Variants in KIF16B observed in about 807,000 individuals in gnomAD.
KIF16B encodes kinesin family member 16B, also known as kinesin-like protein KIF16B.
A neutral mutation model predicts 156.3 loss-of-function variants in KIF16B; 98 were observed. The observed-to-expected ratio is 0.63, with a 90% CI of 0.53 to 0.74. KIF16B has a LOEUF of 0.74. Ranked by LOEUF, KIF16B falls within the 30% of genes least tolerant of loss-of-function variation. KIF16B has a pLI of 0.00. For synonymous variants in KIF16B, 564 were observed against 583.7 expected (o/e 0.97, Z 0.49); for missense variants, 1,421 against 1,606.5 (o/e 0.88, Z 1.97).
At chr20:16,527,369 C>T (rs140361123) in intron 2 of KIF16B, among the ~76,000 whole-genome samples, 1 of 152,144 alleles carries the variant, frequency 6.6e-6, no homozygotes, top group African/African-American at 2.4e-5. Flanking sequence ...GAGATCAACT[C>T]GCACTACTTT....
At chr20:16,510,298 T>C (rs892657055) in intron 6 of KIF16B, among the ~76,000 whole-genome samples, 2 of 152,212 alleles carry the variant, frequency 1.3e-5, no homozygotes, top group African/African-American at 4.8e-5. Context: ...AACAACTACA[T>C]ACTGGCACAC....
At chr20:16,392,227 T>C (rs752419440) in intron 17 of KIF16B, among the ~76,000 whole-genome samples, 22 of 152,284 alleles carry the variant, frequency 1.4e-4, no homozygotes, top group Non-Finnish European at 2.8e-4. Flanking sequence ...CCTCATAATA[T>C]ACACCTTGGA....
chr20:16,351,686 C>T (rs1176867318), intron 23 of KIF16B, among the ~76,000 whole-genome samples: 1 of 152,200 alleles, frequency 6.6e-6, no homozygotes, highest in Non-Finnish European at 1.5e-5. Flanking sequence ...GTCAGCAGGA[C>T]ATGCATCTGC....
At chr20:16,479,405 C>T (rs971675421) in intron 12 of KIF16B, among the ~76,000 whole-genome samples, 1 of 152,000 alleles carries the variant, frequency 6.6e-6, no homozygotes, top group East Asian at 1.9e-4. Flanking sequence ...AAATAGCTAC[C>T]GAATGCGGGG....
At chr20:16,527,418 A>G (rs150040714) in intron 2 of KIF16B, among the ~76,000 whole-genome samples, 229 of 152,326 alleles carry the variant, frequency 1.5e-3, no homozygotes, top group African/African-American at 5.3e-3. Context: ...TTGAGCCATA[A>G]ATTAATAGAA....
intron 23 of KIF16B, among the ~76,000 whole-genome samples, chr20:16,342,244 A>C (rs1382232818): frequency 7.0e-6 from 1 of 143,018 alleles, no homozygotes; most frequent in Non-Finnish European, 1.5e-5. Flanking sequence ...CTAATTATAT[A>C]TCTCTCTACT....
chr20:16,570,138 A>G (rs1221511833), intron 1 of KIF16B, among the ~76,000 whole-genome samples: 1 of 152,228 alleles, frequency 6.6e-6, no homozygotes, highest in East Asian at 1.9e-4. Flanking sequence ...TTTACGCTAT[A>G]ACTTAACAAA....
chr20:16,365,864 T>C (rs938434292), intron 22 of KIF16B, among the ~76,000 whole-genome samples: 3 of 152,084 alleles, frequency 2.0e-5, no homozygotes, highest in African/African-American at 7.2e-5. Flanking sequence ...GCATCCAACG[T>C]CCACTGAGAG....
At chr20:16,519,967 G>A (rs149030907) in intron 3 of KIF16B, among the ~76,000 whole-genome samples, 6 of 152,108 alleles carry the variant, frequency 3.9e-5, no homozygotes, top group African/African-American at 7.2e-5. Context: ...GGACTGTGCC[G>A]TGAGGGATGG....
chr20:16,568,020 C>G (rs1375744481), intron 1 of KIF16B, among the ~76,000 whole-genome samples: 1 of 152,224 alleles, frequency 6.6e-6, no homozygotes, highest in East Asian at 1.9e-4. Flanking sequence ...GTCCTTAATA[C>G]AAGACATGTC....
intron 25 of KIF16B, among the ~76,000 whole-genome samples, chr20:16,304,216 C>T (rs2063510786): frequency 6.6e-6 from 1 of 152,118 alleles, no homozygotes; most frequent in South Asian, 2.1e-4. Flanking sequence ...TTTTGCTTTC[C>T]TCTTACACCA....
intron 24 of KIF16B, among the ~76,000 whole-genome samples, chr20:16,332,425 A>G (rs2063963493): frequency 6.6e-6 from 1 of 152,192 alleles, no homozygotes. Context: ...GTACCTTTCA[A>G]CATGTGGTGT....
chr20:16,378,304 G>A (rs1206333723), intron 19 of KIF16B, among the ~76,000 whole-genome samples: 1 of 151,650 alleles, frequency 6.6e-6, no homozygotes. Context: ...AAGTCAGAGA[G>A]GGGCAAGGAG....
At chr20:16,503,162 G>T (rs1040612565) in intron 10 of KIF16B, among the ~76,000 whole-genome samples, 1 of 152,184 alleles carries the variant, frequency 6.6e-6, no homozygotes, top group African/African-American at 2.4e-5. Context: ...AGTGAGCCCA[G>T]ATTGCATCAC....
chr20:16,424,027 A>T (rs1251283830), intron 15 of KIF16B, among the ~76,000 whole-genome samples: 1 of 152,000 alleles, frequency 6.6e-6, no homozygotes, highest in East Asian at 1.9e-4. Context: ...CACCATGACT[A>T]ATACTGCTGC....
At chr20:16,456,304 A>C (rs2146641839) in intron 12 of KIF16B, among the ~76,000 whole-genome samples, 1 of 152,312 alleles carries the variant, frequency 6.6e-6, no homozygotes, top group South Asian at 2.1e-4. Context: ...GTTCTCAAAT[A>C]CTTAAATTCT....
At chr20:16,467,580 T>A (rs980600212) in intron 12 of KIF16B, among the ~76,000 whole-genome samples, 1 of 152,050 alleles carries the variant, frequency 6.6e-6, no homozygotes, top group African/African-American at 2.4e-5. Context: ...AGCAGAAAGA[T>A]GAAAAAATCT....
intron 22 of KIF16B, among the ~76,000 whole-genome samples, chr20:16,363,968 C>T (rs2064604034): frequency 6.6e-6 from 1 of 152,068 alleles, no homozygotes; most frequent in Admixed American, 6.5e-5. Context: ...ACAAAATGAC[C>T]TCATTAGAAA....
At chr20:16,296,875 C>T (rs1306110128) in intron 25 of KIF16B, among the ~76,000 whole-genome samples, 3 of 152,196 alleles carry the variant, frequency 2.0e-5, no homozygotes, top group Non-Finnish European at 2.9e-5. Context: ...ATCAGTAGAA[C>T]GAGTAAAGCA....
Sources: allele counts gnomAD v4.1 joint callset (sites outside exome capture counted in the v4.1 genomes callset), GRCh38; gene constraint gnomAD v4.1.1; transcripts MANE v1.5; gene names NCBI Gene and HGNC (gene_info 2026-07-23, HGNC 2026-07-21).